Variants in HSPA12A observed in about 807,000 individuals in gnomAD.
HSPA12A encodes the protein heat shock protein family A (Hsp70) member 12A.
A neutral mutation model predicts 69.2 loss-of-function variants in HSPA12A; 28 were observed. That is an observed-to-expected ratio of 0.40 (90% CI 0.30 to 0.55). The LOEUF (loss-of-function observed/expected upper bound fraction) is 0.55. HSPA12A is among the 20% of genes least tolerant of loss of function. The probability of loss-of-function intolerance (pLI) is 0.38; values close to 1 mark genes in which losing one functional copy is unlikely to be tolerated. For synonymous variants in HSPA12A, 345 were observed against 370.5 expected (o/e 0.93, Z 0.79); for missense variants, 686 against 900.7 (o/e 0.76, Z 3.05).
intron 3 of HSPA12A, among the ~76,000 whole-genome samples, chr10:116,702,535 A>C (rs1473811264): frequency 6.6e-6 from 1 of 152,140 alleles, no homozygotes; most frequent in East Asian, 1.9e-4. Context: ...TTTCCTTGTC[A>C]AGCTCCATCA....
intron 2 of HSPA12A, among the ~76,000 whole-genome samples, chr10:116,763,556 A>G (rs1335954937): frequency 6.6e-6 from 1 of 152,186 alleles, no homozygotes; most frequent in Non-Finnish European, 1.5e-5. Context: ...CCAGCTTCCC[A>G]GAATCTGGGT....
rs191811309 is a variant in HSPA12A at position 116,688,650 on chromosome 10, G to A, written c.663+3701C>T. Among the ~76,000 whole-genome samples the A allele has an allele frequency of 2.7e-3, 412 of 152,352 alleles. 2 individuals are homozygous for A. The highest frequency in any genetic ancestry group is 9.5e-3 in the African/African-American group (397 of 41,580). ...AGAAAGGCTACAGCTGCACCAGTTC[G>A]GGGTGTTATGCTGTTTTGTTTTCCT... On this transcript the variant is annotated intron_variant, in intron 6 of 11. Transcript: ENST00000369209.
chr10:116,805,402 C>G (rs185901549), intron 2 of HSPA12A, among the ~76,000 whole-genome samples: 8 of 152,118 alleles, frequency 5.3e-5, no homozygotes, highest in Admixed American at 2.0e-4. Context: ...ATTCCTAGAT[C>G]ATTTTTTACT....
At chr10:116,759,885 G>A (rs2133099621) in intron 2 of HSPA12A, among the ~76,000 whole-genome samples, 1 of 152,246 alleles carries the variant, frequency 6.6e-6, no homozygotes, top group Middle Eastern at 3.4e-3. Context: ...GTTTAATAAA[G>A]AGGAGTTTCC....
intron 2 of HSPA12A, among the ~76,000 whole-genome samples, chr10:116,781,287 C>A (rs1844456740): frequency 6.6e-6 from 1 of 151,380 alleles, no homozygotes; most frequent in African/African-American, 2.4e-5. Flanking sequence ...GACCCTGCCT[C>A]TTAAAAGAAA....
intron 2 of HSPA12A, among the ~76,000 whole-genome samples, chr10:116,766,825 A>G (rs1844088106): frequency 6.6e-6 from 1 of 152,212 alleles, no homozygotes; most frequent in Non-Finnish European, 1.5e-5. Flanking sequence ...AATTTTGTTG[A>G]GACATTTCCT....
At chr10:116,691,126 T>C (rs1433753020) in intron 6 of HSPA12A, among the ~76,000 whole-genome samples, 1 of 152,144 alleles carries the variant, frequency 6.6e-6, no homozygotes, top group Non-Finnish European at 1.5e-5. Flanking sequence ...TTCATCCCTA[T>C]AAAAACAGAT....
chr10:116,702,392 C>T (rs1347948033), intron 3 of HSPA12A, among the ~76,000 whole-genome samples: 5 of 152,150 alleles, frequency 3.3e-5, no homozygotes, highest in South Asian at 2.1e-4. Flanking sequence ...GAGGTGGCCA[C>T]GCTCCCAGCT....
chr10:116,737,369 C>T (rs1239170166), intron 1 of HSPA12A, among the ~76,000 whole-genome samples: 25 of 152,148 alleles, frequency 1.6e-4, no homozygotes, highest in Non-Finnish European at 1.8e-4. Context: ...GATTATTAAT[C>T]GTCCTTGTCT....
At chr10:116,840,080 T>C (rs1028423757) in intron 1 of HSPA12A, among the ~76,000 whole-genome samples, 2 of 152,200 alleles carry the variant, frequency 1.3e-5, no homozygotes, top group Non-Finnish European at 2.9e-5. Context: ...ATATAATAAA[T>C]AATATTTGGA....
At chr10:116,704,788 A>G (rs1402975848) in intron 3 of HSPA12A, among the ~76,000 whole-genome samples, 2 of 152,108 alleles carry the variant, frequency 1.3e-5, no homozygotes, top group African/African-American at 4.8e-5. Flanking sequence ...AGGTTCAGCA[A>G]TTGCCTAAAG....
chr10:116,731,366 T>C (rs1232020341), intron 1 of HSPA12A, among the ~76,000 whole-genome samples: 7 of 152,174 alleles, frequency 4.6e-5, no homozygotes, highest in Admixed American at 2.6e-4. Context: ...CTCAGATGAA[T>C]GATGCACCCC....
rs114324173 is a variant in HSPA12A at position 116,808,844 on chromosome 10, C to A, written c.91+26091G>T. On this transcript the variant is annotated intron_variant, in intron 2 of 12. Coordinates refer to the HSPA12A transcript ENST00000635765. ...GGGTGTATTTACAGAGGGCCCCGCA[C>A]CGCCGTTCCTATGTTCAGACTTTCC... Among the ~76,000 whole-genome samples, 1,453 of 152,272 alleles carry A rather than the reference C, an allele frequency of 9.5e-3. 29 individuals are homozygous for A. Among genetic ancestry groups the A allele is most frequent in the African/African-American group, 0.033 (1,366 of 41,558 alleles).
intron 2 of HSPA12A, among the ~76,000 whole-genome samples, chr10:116,810,756 T>C (rs973927381): frequency 6.6e-6 from 1 of 152,210 alleles, no homozygotes; most frequent in Non-Finnish European, 1.5e-5. Flanking sequence ...CAGGTGATTC[T>C]GATGTAGGCT....
chr10:116,819,903 TGCA>T (rs1845379549), intron 2 of HSPA12A, among the ~76,000 whole-genome samples: 1 of 152,220 alleles, frequency 6.6e-6, no homozygotes, highest in Non-Finnish European at 1.5e-5. Flanking sequence ...CTCGGCTTAC[TGCA>T]GCCTCAACTT....
intron 2 of HSPA12A, among the ~76,000 whole-genome samples, chr10:116,755,865 T>C (rs1843835257): frequency 6.6e-6 from 1 of 150,478 alleles, no homozygotes; most frequent in Non-Finnish European, 1.5e-5. Flanking sequence ...GTGGGGCACA[T>C]CTGTAGTCAC....
intron 2 of HSPA12A, among the ~76,000 whole-genome samples, chr10:116,809,177 C>T (rs1211023163): frequency 6.6e-6 from 1 of 152,136 alleles, no homozygotes; most frequent in Non-Finnish European, 1.5e-5. Context: ...GGCTCAGGGG[C>T]AGAGGCTTTT....
chr10:116,712,977 AATATATATATATAT>A (rs56007651), intron 1 of HSPA12A, among the ~76,000 whole-genome samples: 1,654 of 80,862 alleles, frequency 0.02, 139 homozygotes, highest in African/African-American at 0.085. Context: ...TAAAAAATGC[AATATATATATATAT>A]ATATATATAT....
chr10:116,808,773 T>C (rs1216576998), intron 2 of HSPA12A, among the ~76,000 whole-genome samples: 1 of 152,164 alleles, frequency 6.6e-6, no homozygotes, highest in African/African-American at 2.4e-5. Context: ...CCAGTTGGTC[T>C]CCGACTTTTG....
Sources: allele counts gnomAD v4.1 joint callset (sites outside exome capture counted in the v4.1 genomes callset), GRCh38; gene constraint gnomAD v4.1.1; transcripts MANE v1.5; gene names NCBI Gene and HGNC (gene_info 2026-07-23, HGNC 2026-07-21).